GRIK4: variants seen among roughly 807,000 people sequenced by gnomAD.
GRIK4 encodes the protein glutamate receptor ionotropic, kainate 4.
GRIK4 carries 40 observed loss-of-function variants against 104.9 expected under a neutral mutation model. That is an observed-to-expected ratio of 0.38 (90% CI 0.30 to 0.50). The LOEUF is 0.50. Ranked by LOEUF, GRIK4 falls within the 20% of genes least tolerant of loss-of-function variation. The pLI is 0.93. For missense variants in GRIK4, 1,047 were observed against 1,308.1 expected, an observed-to-expected ratio of 0.80 and a Z score of 3.08; for synonymous variants, 485 against 524.9, an observed-to-expected ratio of 0.92 and a Z score of 1.04.
Position 120,874,176 on chromosome 11 carries a change from G to C in GRIK4, c.1017G>C (p.Gln339His), listed in dbSNP as rs753979175. The C allele has an allele frequency of 1.9e-6, 3 of 1,613,564 alleles. No individual in the cohort carries two copies. The Admixed American group carries it at 5.0e-5, about 27-fold the overall frequency. Residue 339 changes from glutamine (Q) to histidine (H), a missense_variant, in exon 10 of 21, where the codon CAG becomes CAC. By Grantham distance (24) the Gln-to-His change is conservative. Transcript: ENST00000527524. Reference sequence around the variant, plus strand: ...AGCCCTTGTCCTGCGGCTCGGCCCAGATCTGGCAGCACGGCACCAGCCTCA... The same window carrying C: ...AGCCCTTGTCCTGCGGCTCGGCCCACATCTGGCAGCACGGCACCAGCCTCA... ...GVKPLSCGSA[Q>H]IWQHGTSLMN... is the part of the protein sequence containing the mutation.
At chr11:120,722,438 G>A (rs976729633) in intron 3 of GRIK4, among the ~76,000 whole-genome samples, 6 of 151,864 alleles carry the variant, frequency 4.0e-5, no homozygotes, top group Admixed American at 1.3e-4. Context: ...GTAAAACCCC[G>A]TCTCTACTAA....
intron 1 of GRIK4, among the ~76,000 whole-genome samples, chr11:120,551,640 G>A (rs1172047876): frequency 6.6e-6 from 1 of 152,102 alleles, no homozygotes; most frequent in Non-Finnish European, 1.5e-5. Flanking sequence ...AATTAGCTGG[G>A]CGTGGTGGTG....
At chr11:120,878,622 C>T (rs1033100748) in intron 11 of GRIK4, among the ~76,000 whole-genome samples, 16 of 149,146 alleles carry the variant, frequency 1.1e-4, no homozygotes, top group African/African-American at 3.8e-4. Flanking sequence ...CGCCCCCCCC[C>T]CTTTTTTCAA....
chr11:120,616,843 T>A (rs1034738666), intron 1 of GRIK4, among the ~76,000 whole-genome samples: 1 of 152,340 alleles, frequency 6.6e-6, no homozygotes, highest in South Asian at 2.1e-4. Flanking sequence ...TACACTACAG[T>A]TACCTGTACA....
intron 3 of GRIK4, among the ~76,000 whole-genome samples, chr11:120,765,889 C>A (rs1291965796): frequency 1.3e-5 from 2 of 152,224 alleles, no homozygotes; most frequent in African/African-American, 4.8e-5. Context: ...TGTCTGTCGA[C>A]CCCTGCTGGG....
At chr11:120,531,440 G>A (rs1947922662) in intron 1 of GRIK4, among the ~76,000 whole-genome samples, 1 of 152,174 alleles carries the variant, frequency 6.6e-6, no homozygotes, top group Non-Finnish European at 1.5e-5. Context: ...CTGTACATGT[G>A]CTCTCCAGTG....
chr11:120,737,324 A>C (rs573791408), intron 3 of GRIK4, among the ~76,000 whole-genome samples: 1 of 152,242 alleles, frequency 6.6e-6, no homozygotes, highest in East Asian at 1.9e-4. Flanking sequence ...TTATGGATCC[A>C]AAGTCTAGAC....
intron 19 of GRIK4, among the ~76,000 whole-genome samples, chr11:120,973,775 T>C (rs1944514321): frequency 6.6e-6 from 1 of 152,246 alleles, no homozygotes; most frequent in African/African-American, 2.4e-5. Flanking sequence ...TAAGAAGCAC[T>C]AGCCCGAAAC....
At chr11:120,924,957 T>A (rs1003053988) in intron 13 of GRIK4, among the ~76,000 whole-genome samples, 37 of 152,186 alleles carry the variant, frequency 2.4e-4, no homozygotes, top group Non-Finnish European at 5.1e-4. Flanking sequence ...CACATACTGA[T>A]AGGAAATGAG....
intron 19 of GRIK4, among the ~76,000 whole-genome samples, chr11:120,972,777 A>G (rs1944495958): frequency 6.6e-6 from 1 of 152,050 alleles, no homozygotes; most frequent in African/African-American, 2.4e-5. Flanking sequence ...TTCTGGAGAA[A>G]TTCTTCTGGA....
chr11:120,958,580 C>T (rs912541761), intron 16 of GRIK4, among the ~76,000 whole-genome samples: 9 of 152,260 alleles, frequency 5.9e-5, no homozygotes, highest in African/African-American at 2.2e-4. Flanking sequence ...CACCATGTCG[C>T]TGGAGAGAAT....
chr11:120,947,477 C>T (rs951846126), intron 14 of GRIK4, among the ~76,000 whole-genome samples: 8 of 152,022 alleles, frequency 5.3e-5, no homozygotes, highest in South Asian at 2.1e-4. Flanking sequence ...ATATATTACC[C>T]GCTTTTCAAG....
chr11:120,798,244 CTGCAACCTCTGCCTTCTGGTT>C (rs1952560451), intron 3 of GRIK4, among the ~76,000 whole-genome samples: 1 of 141,302 alleles, frequency 7.1e-6, no homozygotes, highest in Non-Finnish European at 1.5e-5. Flanking sequence ...TCTCGGCTCA[CTGCAACCTCTGCCTTCTGGTT>C]TTCCTGCCTT....
At chr11:120,654,338 T>C (rs1263120966) in intron 2 of GRIK4, among the ~76,000 whole-genome samples, 1 of 152,168 alleles carries the variant, frequency 6.6e-6, no homozygotes, top group Non-Finnish European at 1.5e-5. Flanking sequence ...TGCGTGGCCA[T>C]GAAGAGTTAG....
chr11:120,543,467 C>T lies in GRIK4; in HGVS notation c.-159+31580C>T, dbSNP rs888260499. Among the ~76,000 whole-genome samples the T allele has an allele frequency of 8.7e-5, 13 of 149,112 alleles. No individual in the cohort carries two copies. In the South Asian group the frequency reaches 1.9e-3, roughly 22 times the overall value. On this transcript the variant is annotated intron_variant, in intron 1 of 20. Coordinates refer to ENST00000527524, the MANE Select transcript of GRIK4 (RefSeq NM_014619.5). ...GGTGTGTGCCTGTAATCCAGCTACT[C>T]GGGAGGCTGAGGCAGGAGAATTACT... is the stretch of plus-strand genomic sequence containing the variant.
At chr11:120,620,135 A>C in intron 1 of GRIK4, 3 of 818,698 alleles carry the variant, frequency 3.7e-6, no homozygotes, top group Non-Finnish European at 6.6e-6. Context: ...GCCACTCAAC[A>C]TGGCTTTATC....
At chr11:120,606,825 G>A (rs888647356) in intron 1 of GRIK4, among the ~76,000 whole-genome samples, 3 of 152,214 alleles carry the variant, frequency 2.0e-5, no homozygotes, top group Non-Finnish European at 4.4e-5. Flanking sequence ...GCAGATGGCC[G>A]AGGAGGATAA....
intron 7 of GRIK4, among the ~76,000 whole-genome samples, chr11:120,834,662 C>T (rs950616636): frequency 2.0e-5 from 3 of 152,134 alleles, no homozygotes; most frequent in South Asian, 2.1e-4. Flanking sequence ...TCAGTGTGCA[C>T]GTGGGAGTCC....
chr11:120,535,119 G>A (rs78867156), intron 1 of GRIK4, among the ~76,000 whole-genome samples: 10,537 of 152,228 alleles, frequency 0.069, 621 homozygotes, highest in East Asian at 0.3. Context: ...AGTTGCCAAC[G>A]TGATGTCACT....
Sources: allele counts gnomAD v4.1 joint callset (sites outside exome capture counted in the v4.1 genomes callset), GRCh38; gene constraint gnomAD v4.1.1; transcripts MANE v1.5; gene names NCBI Gene and HGNC (gene_info 2026-07-23, HGNC 2026-07-21).